The following LCORL variants were observed in gnomAD, a reference collection of about 807,000 sequenced individuals.
LCORL encodes the protein ligand-dependent nuclear receptor corepressor-like protein.
LCORL carries 41 observed loss-of-function variants against 141.8 expected under a neutral mutation model. The observed-to-expected ratio is 0.29, with a 90% CI of 0.23 to 0.38. The LOEUF is 0.38. LCORL is among the 10% of genes least tolerant of loss of function. LCORL has a pLI of 1.00. For synonymous variants in LCORL, 618 were observed against 694.1 expected, an observed-to-expected ratio of 0.89 and a Z score of 1.72; for missense variants, 1,759 against 2,035.0, an observed-to-expected ratio of 0.86 and a Z score of 2.61.
intron 4 of LCORL, chr4:17,912,224 A>T: frequency 2.7e-6 from 2 of 746,696 alleles, no homozygotes; most frequent in South Asian, 2.7e-5. Flanking sequence ...GCCGTGCGCC[A>T]GTCTGTGGAG....
rs189604702 is a variant in LCORL at position 18,017,603 on chromosome 4, C to A, written c.154+3995G>T. Reference sequence around the variant, plus strand: ...CAACAGATAAATTCAAATTGAGGGACATTCTACAAAATAGCTGCCCTGTAC... The same window carrying A: ...CAACAGATAAATTCAAATTGAGGGAAATTCTACAAAATAGCTGCCCTGTAC... On this transcript the variant is annotated intron_variant, in intron 1 of 7. Transcript: ENST00000635767. Among the ~76,000 whole-genome samples, 259 of 152,190 alleles carry A rather than the reference C, an allele frequency of 1.7e-3. 2 individuals are homozygous for A. The highest frequency in any genetic ancestry group is 2.8e-3 in the Non-Finnish European group (193 of 67,952).
chr4:17,993,471 C>T (rs1278539063), intron 1 of LCORL, among the ~76,000 whole-genome samples: 1 of 151,986 alleles, frequency 6.6e-6, no homozygotes, highest in Non-Finnish European at 1.5e-5. Flanking sequence ...TCCCAAAGTG[C>T]TGGGATTACA....
intron 4 of LCORL, chr4:17,912,210 G>C (rs932807233): frequency 2.6e-6 from 2 of 772,022 alleles, no homozygotes; most frequent in African/African-American, 3.4e-5. Flanking sequence ...ATGAGACAAA[G>C]CTGGCCGTGC....
At chr4:17,968,019 G>A (rs1279231158) in intron 2 of LCORL, among the ~76,000 whole-genome samples, 2 of 151,798 alleles carry the variant, frequency 1.3e-5, no homozygotes, top group African/African-American at 4.8e-5. Flanking sequence ...CATTACACCT[G>A]GCTAATTTTT....
chr4:17,881,708 T>C (rs2109205252), intron 6 of LCORL: 6 of 941,496 alleles, frequency 6.4e-6, no homozygotes, highest in Middle Eastern at 5.5e-4. Context: ...GTAAATATAG[T>C]GTGAGGAATA....
rs866513869 is a variant in LCORL, at chr4:17,899,934, T to C, written c.682+9160A>G. Reference sequence around the variant, plus strand: ...TTAGCCTTGGGCCCCATCCACAAGATATCTTACTATGTACATGCAAATATT... The same window carrying C: ...TTAGCCTTGGGCCCCATCCACAAGACATCTTACTATGTACATGCAAATATT... On this transcript the variant is annotated intron_variant, in intron 5 of 7. Transcript: ENST00000635767. Among the ~76,000 whole-genome samples the C allele has an allele frequency of 7.2e-5, 11 of 152,268 alleles. No homozygotes were observed. The East Asian group carries it at 9.6e-4, about 13-fold the overall frequency.
chr4:17,890,877 T>C (rs1236681664), intron 5 of LCORL, among the ~76,000 whole-genome samples: 3 of 152,098 alleles, frequency 2.0e-5, no homozygotes, highest in Non-Finnish European at 1.5e-5. Flanking sequence ...AACTGTTTTC[T>C]TTCCTGTATT....
chr4:17,880,686 T>A (rs966981046), intron 6 of LCORL: 1 of 975,080 alleles, frequency 1.0e-6, no homozygotes, highest in Admixed American at 6.2e-5. Context: ...TGCAAAAGCA[T>A]TGAAGTGCTT....
intron 7 of LCORL, among the ~76,000 whole-genome samples, chr4:17,864,551 C>T (rs1246339876): frequency 6.6e-6 from 1 of 152,072 alleles, no homozygotes; most frequent in Non-Finnish European, 1.5e-5. Context: ...AATAATAAAA[C>T]ACACTGTATT....
At chr4:18,014,512 T>G (rs974388030) in intron 1 of LCORL, among the ~76,000 whole-genome samples, 4 of 151,998 alleles carry the variant, frequency 2.6e-5, no homozygotes, top group African/African-American at 4.8e-5. Flanking sequence ...CATGAGATAC[T>G]GTAAAGAAAG....
chr4:17,907,278 G>A (rs780681811), intron 5 of LCORL, among the ~76,000 whole-genome samples: 70 of 152,208 alleles, frequency 4.6e-4, no homozygotes, highest in Middle Eastern at 3.4e-3. Flanking sequence ...TAGACAGTGC[G>A]GTGAGAGTAG....
chr4:17,938,538 T>A (rs1468378593), intron 4 of LCORL, among the ~76,000 whole-genome samples: 3 of 151,128 alleles, frequency 2.0e-5, no homozygotes, highest in Admixed American at 6.6e-5. Flanking sequence ...TGCGTCAGCC[T>A]CCCGAGTAGC....
intron 1 of LCORL, among the ~76,000 whole-genome samples, chr4:17,980,269 C>G (rs1417919451): frequency 6.6e-6 from 1 of 152,192 alleles, no homozygotes; most frequent in Non-Finnish European, 1.5e-5. Flanking sequence ...GAGGGCTGGT[C>G]TGTGGCAAAT....
chr4:17,843,183 G>A (rs1320317901), exon 8 of LCORL: 5 of 1,093,420 alleles, frequency 4.6e-6, no homozygotes, highest in East Asian at 5.0e-5. Context: ...TAAGTCAATG[G>A]AATCAGGCTA....
intron 1 of LCORL, among the ~76,000 whole-genome samples, chr4:18,006,200 C>T (rs1432948837): frequency 6.6e-6 from 1 of 152,172 alleles, no homozygotes; most frequent in Non-Finnish European, 1.5e-5. Flanking sequence ...TGCTACCAGT[C>T]TGTTTGCTAA....
chr4:17,973,399 T>C (rs1016825509), intron 1 of LCORL, among the ~76,000 whole-genome samples: 1 of 151,888 alleles, frequency 6.6e-6, no homozygotes, highest in Non-Finnish European at 1.5e-5. Context: ...GTCATTGCTA[T>C]AGACTGCCCT....
At chr4:17,945,701 A>C (rs751525176) in intron 4 of LCORL, among the ~76,000 whole-genome samples, 9 of 152,038 alleles carry the variant, frequency 5.9e-5, no homozygotes, top group Non-Finnish European at 1.3e-4. Context: ...TCTTATGGTT[A>C]AGATATCAAG....
chr4:17,985,233 G>A (rs2109746099), intron 1 of LCORL, among the ~76,000 whole-genome samples: 1 of 152,192 alleles, frequency 6.6e-6, no homozygotes, highest in Admixed American at 6.5e-5. Flanking sequence ...GTGATGAGAA[G>A]TAAGTATACT....
intron 2 of LCORL, 65 bp downstream of exon 2, chr4:17,972,755 A>G: frequency 1.4e-6 from 1 of 704,774 alleles, no homozygotes; most frequent in Non-Finnish European, 2.1e-6. Context: ...AGTATAGAAC[A>G]ACAATTTTTC....
Sources: allele counts gnomAD v4.1 joint callset (sites outside exome capture counted in the v4.1 genomes callset), GRCh38; gene constraint gnomAD v4.1.1; transcripts MANE v1.5; gene names NCBI Gene and HGNC (gene_info 2026-07-23, HGNC 2026-07-21).